Variants in CLSTN2 observed in about 807,000 individuals in gnomAD.
The protein encoded by CLSTN2 is calsyntenin 2.
CLSTN2 carries 48 observed loss-of-function variants against 101.2 expected under a neutral mutation model. The observed-to-expected ratio is 0.47, with a 90% CI of 0.38 to 0.60. The LOEUF is 0.60. Ranked by LOEUF, CLSTN2 falls within the 20% of genes least tolerant of loss-of-function variation. CLSTN2 has a pLI of 0.00. For synonymous variants in CLSTN2, 481 were observed against 463.6 expected (o/e 1.04, Z -0.48); for missense variants, 1,160 against 1,238.2 (o/e 0.94, Z 0.95).
At chr3:139,943,117 T>C (rs1935161057) in intron 1 of CLSTN2, among the ~76,000 whole-genome samples, 1 of 152,156 alleles carries the variant, frequency 6.6e-6, no homozygotes, top group South Asian at 2.1e-4. Flanking sequence ...ATCTACTGCT[T>C]CTGCTGTGGC....
At chr3:140,336,083 G>C (rs2087437340) in intron 2 of CLSTN2, among the ~76,000 whole-genome samples, 1 of 152,200 alleles carries the variant, frequency 6.6e-6, no homozygotes. Flanking sequence ...TTACTGCTCT[G>C]TTGATTACTG....
chr3:140,258,280 G>A (rs181157171), intron 2 of CLSTN2, among the ~76,000 whole-genome samples: 18 of 152,230 alleles, frequency 1.2e-4, no homozygotes, highest in Admixed American at 5.9e-4. Context: ...TTCCAGATGC[G>A]CATTGACTTT....
At chr3:140,165,495 T>TAGA (rs1186376545) in intron 1 of CLSTN2, among the ~76,000 whole-genome samples, 2 of 152,072 alleles carry the variant, frequency 1.3e-5, no homozygotes, top group Non-Finnish European at 2.9e-5. Flanking sequence ...GGCGACACAG[T>TAGA]AGACCTGTGG....
intron 1 of CLSTN2, among the ~76,000 whole-genome samples, chr3:140,062,440 G>A (rs1333736148): frequency 3.3e-5 from 5 of 152,160 alleles, no homozygotes; most frequent in Admixed American, 1.3e-4. Flanking sequence ...GGTTTTAAGT[G>A]CAAAGAGAAA....
intron 2 of CLSTN2, among the ~76,000 whole-genome samples, chr3:140,334,293 GT>G (rs2087419896): frequency 6.6e-6 from 1 of 152,174 alleles, no homozygotes; most frequent in Admixed American, 6.5e-5. Flanking sequence ...AGAAAAAACA[GT>G]CACTACTCCA....
intron 8 of CLSTN2, among the ~76,000 whole-genome samples, chr3:140,504,177 A>T (rs1934638372): frequency 6.6e-6 from 1 of 152,148 alleles, no homozygotes; most frequent in East Asian, 1.9e-4. Flanking sequence ...AGGGCGCCTG[A>T]TACATGGCAG....
At chr3:140,555,028 T>C (rs577601423) in intron 10 of CLSTN2, among the ~76,000 whole-genome samples, 1 of 152,368 alleles carries the variant, frequency 6.6e-6, no homozygotes, top group African/African-American at 2.4e-5. Context: ...CTAAGTGGCT[T>C]ATACAACCAA....
intron 4 of CLSTN2, among the ~76,000 whole-genome samples, chr3:140,405,217 C>T (rs1216427097): frequency 6.8e-6 from 1 of 147,780 alleles, no homozygotes; most frequent in South Asian, 2.3e-4. Flanking sequence ...CCTTCTAAAC[C>T]ATAGATTCAT....
intron 2 of CLSTN2, among the ~76,000 whole-genome samples, chr3:140,328,578 A>G (rs1347488319): frequency 2.0e-5 from 3 of 152,166 alleles, no homozygotes; most frequent in African/African-American, 7.2e-5. Context: ...TCACAATACA[A>G]TTCTGTATAC....
chr3:140,319,069 G>T (rs2087258174), intron 2 of CLSTN2, among the ~76,000 whole-genome samples: 1 of 151,880 alleles, frequency 6.6e-6, no homozygotes, highest in Non-Finnish European at 1.5e-5. Context: ...TATAACTTTG[G>T]GCAAATTAAC....
At chr3:140,038,067 T>A (rs919782483) in intron 1 of CLSTN2, among the ~76,000 whole-genome samples, 11 of 152,178 alleles carry the variant, frequency 7.2e-5, no homozygotes, top group African/African-American at 2.7e-4. Context: ...TACCCAGTAA[T>A]GGGATTGCTG....
chr3:140,547,120 T>TA (rs1230224511), intron 10 of CLSTN2, among the ~76,000 whole-genome samples: 1 of 152,198 alleles, frequency 6.6e-6, no homozygotes, highest in African/African-American at 2.4e-5. Flanking sequence ...CTGGGTGAGG[T>TA]AGAATGAGAA....
rs578199860 is a variant in CLSTN2 at position 140,520,584 on chromosome 3, C to T, written c.1345-11740C>T. Among the ~76,000 whole-genome samples, 10 of 152,270 alleles carry T rather than the reference C, an allele frequency of 6.6e-5. No homozygotes were observed. In the East Asian group the frequency reaches 9.6e-4, roughly 15 times the overall value. On this transcript the variant is annotated intron_variant, in intron 8 of 16. Transcript: ENST00000458420. The stretch of plus-strand genomic sequence containing the variant: ...CCCACCCTTGACATGTGGGGATTAT[C>T]GGGATTATAATTCACGATGAGATTT...
At chr3:140,447,500 G>A (rs1933112578) in intron 5 of CLSTN2, among the ~76,000 whole-genome samples, 2 of 152,232 alleles carry the variant, frequency 1.3e-5, no homozygotes, top group Non-Finnish European at 2.9e-5. Flanking sequence ...TGTATGTGTT[G>A]ATTGCTGTGT....
At chr3:140,533,195 A>T (rs574011791) in intron 9 of CLSTN2, among the ~76,000 whole-genome samples, 1 of 152,152 alleles carries the variant, frequency 6.6e-6, no homozygotes, top group South Asian at 2.1e-4. Context: ...TCTGTCTCTC[A>T]CTCAGGTCTG....
At chr3:140,225,559 G>A (rs556371922) in intron 2 of CLSTN2, among the ~76,000 whole-genome samples, 8 of 152,198 alleles carry the variant, frequency 5.3e-5, no homozygotes, top group East Asian at 3.9e-4. Context: ...GTACAGTGGC[G>A]CGATATCGGC....
rs376472990 is a variant in CLSTN2, at chr3:140,364,786, T to TATTC, written c.233-38825_233-38822dup. Among the ~76,000 whole-genome samples, 426 of 152,274 alleles carry TATTC rather than the reference T, an allele frequency of 2.8e-3. 2 individuals carry two copies. The highest frequency in any genetic ancestry group is 8.5e-3 in the African/African-American group (355 of 41,550). ...TGTGTATTACAGCCACAGGGAAATT[T>TATTC]ATTCATTCATTCATTCATTCAGGAA... is the stretch of plus-strand genomic sequence containing the variant. On this transcript the variant is annotated intron_variant, in intron 2 of 16. Coordinates refer to ENST00000458420, the MANE Select transcript of CLSTN2 (RefSeq NM_022131.3).
intron 2 of CLSTN2, among the ~76,000 whole-genome samples, chr3:140,386,757 A>C (rs2088055884): frequency 6.6e-6 from 1 of 152,110 alleles, no homozygotes; most frequent in Admixed American, 6.6e-5. Context: ...CCTGCACAAG[A>C]GCCATGTTGA....
intron 2 of CLSTN2, among the ~76,000 whole-genome samples, chr3:140,206,399 G>A (rs2010783052): frequency 6.6e-6 from 1 of 152,212 alleles, no homozygotes; most frequent in Non-Finnish European, 1.5e-5. Context: ...CTAAGGAAGA[G>A]TGGCAGGGCA....
Sources: gnomAD v4.1 joint callset for allele counts (sites outside exome capture counted in the v4.1 genomes callset) on GRCh38, gnomAD v4.1.1 for gene constraint, MANE v1.5 for transcripts, NCBI Gene and HGNC (gene_info 2026-07-23, HGNC 2026-07-21) for gene names.